The following CSMD1 variants were observed in gnomAD, a reference collection of about 807,000 sequenced individuals.
CSMD1 encodes the protein CUB and sushi domain-containing protein 1.
Under a neutral mutation model 417.5 loss-of-function variants are expected in CSMD1, and 213 were observed. The ratio of observed to expected loss-of-function variants is 0.51; its 90% confidence interval spans 0.46 to 0.57. The LOEUF (loss-of-function observed/expected upper bound fraction) is 0.57. Among genes scored for constraint, CSMD1 ranks in the 20% least tolerant of loss-of-function variants. The pLI, the probability that CSMD1 is intolerant of heterozygous loss-of-function variation, is 0.00. For missense variants in CSMD1, 6,923 were observed against 4,529.7 expected (o/e 1.53, Z -15.17); for synonymous variants, 2,862 against 1,736.8 (o/e 1.65, Z -16.11).
chr8:4,789,713 T>C (rs893311775), intron 1 of CSMD1, among the ~76,000 whole-genome samples: 6 of 152,210 alleles, frequency 3.9e-5, no homozygotes, highest in Admixed American at 3.9e-4. Context: ...CTGTATAAGA[T>C]AAAGGTTGAT....
At chr8:3,578,326 G>A (rs1357169198) in intron 9 of CSMD1, among the ~76,000 whole-genome samples, 2 of 152,082 alleles carry the variant, frequency 1.3e-5, no homozygotes, top group Non-Finnish European at 2.9e-5. Flanking sequence ...CCTTGCTCAG[G>A]GAGCTTTGGT....
chr8:4,891,474 A>T (rs1804118063), intron 1 of CSMD1, among the ~76,000 whole-genome samples: 1 of 152,134 alleles, frequency 6.6e-6, no homozygotes, highest in South Asian at 2.1e-4. Flanking sequence ...GTTTTTCTTA[A>T]TTTGAAAGGT....
At chr8:3,319,894 A>G (rs1200639370) in intron 23 of CSMD1, among the ~76,000 whole-genome samples, 3 of 152,198 alleles carry the variant, frequency 2.0e-5, no homozygotes, top group African/African-American at 4.8e-5. Context: ...TATCAAATTG[A>G]TGACTCATTA....
chr8:4,636,623 T>A (rs1802828083), intron 2 of CSMD1, among the ~76,000 whole-genome samples: 1 of 152,244 alleles, frequency 6.6e-6, no homozygotes, highest in Admixed American at 6.5e-5. Context: ...TATAATTTTA[T>A]TTAAATTACC....
At chr8:4,295,815 A>C (rs1797651532) in intron 3 of CSMD1, among the ~76,000 whole-genome samples, 1 of 144,414 alleles carries the variant, frequency 6.9e-6, no homozygotes, top group Non-Finnish European at 1.5e-5. Flanking sequence ...GAGAAAATTT[A>C]AAGTTAATTC....
intron 68 of CSMD1, among the ~76,000 whole-genome samples, chr8:2,947,170 T>C (rs1802300879): frequency 6.6e-6 from 1 of 152,332 alleles, no homozygotes; most frequent in South Asian, 2.1e-4. Flanking sequence ...TCTTTGTGTG[T>C]ATGTTAGGGT....
chr8:4,033,418 G>C (rs1401506827), intron 3 of CSMD1, among the ~76,000 whole-genome samples: 1 of 152,132 alleles, frequency 6.6e-6, no homozygotes, highest in African/African-American at 2.4e-5. Context: ...CTCCAGCGTG[G>C]GTGACAGAGC....
intron 1 of CSMD1, among the ~76,000 whole-genome samples, chr8:4,754,557 T>TA (rs58294878): frequency 1.3e-5 from 2 of 151,626 alleles, no homozygotes; most frequent in Non-Finnish European, 2.9e-5. Context: ...TTTTTTTTTT[T>TA]AAAGCCAAGT....
chr8:3,766,692 C>A (rs1428269425), intron 5 of CSMD1, among the ~76,000 whole-genome samples: 1 of 151,654 alleles, frequency 6.6e-6, no homozygotes, highest in Admixed American at 6.6e-5. Context: ...AACATGGTAA[C>A]AATTTATTTT....
rs553076890 is a variant in CSMD1 at position 4,409,913 on chromosome 8, A to C, written c.415+10040T>G. The stretch of plus-strand genomic sequence containing the variant: ...ACTGCAACCTCCGCCTCCTGGGTTC[A>C]AATGATTCTCCTGCCTCAGCTTCCC... On this transcript the variant is annotated intron_variant, in intron 3 of 69. Transcript: ENST00000635120. Among the ~76,000 whole-genome samples the C allele has an allele frequency of 3.3e-5, 5 of 152,252 alleles. No individual in the cohort carries two copies. The East Asian group carries it at 9.7e-4, about 30-fold the overall frequency.
At chr8:3,178,214 T>C (rs558427848) in intron 37 of CSMD1, among the ~76,000 whole-genome samples, 73 of 152,262 alleles carry the variant, frequency 4.8e-4, no homozygotes, top group African/African-American at 1.7e-3. Context: ...ATATAAGTGT[T>C]TGGTTTTTGT....
intron 23 of CSMD1, among the ~76,000 whole-genome samples, chr8:3,332,127 G>C (rs565724748): frequency 3.3e-5 from 5 of 152,298 alleles, no homozygotes; most frequent in East Asian, 1.9e-4. Flanking sequence ...GATGATGACA[G>C]GTATGATACA....
chr8:3,452,226 T>C (rs567075586), intron 12 of CSMD1, among the ~76,000 whole-genome samples: 134 of 152,282 alleles, frequency 8.8e-4, no homozygotes, highest in Non-Finnish European at 1.3e-3. Context: ...GCTGAGACAA[T>C]GGGGTTTTCT....
At chr8:4,462,686 A>T (rs1251568103) in intron 2 of CSMD1, among the ~76,000 whole-genome samples, 1 of 152,234 alleles carries the variant, frequency 6.6e-6, no homozygotes, top group Non-Finnish European at 1.5e-5. Flanking sequence ...AAAACCACTG[A>T]CATTACCCGT....
In CSMD1 at chr8:3,449,002, T is replaced by A. The variant is rs143598987; in HGVS notation, c.1561+19710A>T. On this transcript the variant is annotated intron_variant, in intron 12 of 69. Transcript: ENST00000635120. ...GTAAACAATCACATATAAACAGAAATCAAACACGTATTAGTAGGAGGCAGA... is the reference window on the plus strand; with the variant it reads ...GTAAACAATCACATATAAACAGAAAACAAACACGTATTAGTAGGAGGCAGA... Among the ~76,000 whole-genome samples, 710 of 152,050 alleles carry A rather than the reference T, an allele frequency of 4.7e-3. 6 individuals carry two copies. Among genetic ancestry groups the A allele is most frequent in the African/African-American group, 0.016 (658 of 41,472 alleles).
At chr8:3,313,394 A>C (rs1392591363) in intron 23 of CSMD1, among the ~76,000 whole-genome samples, 1 of 152,238 alleles carries the variant, frequency 6.6e-6, no homozygotes, top group African/African-American at 2.4e-5. Context: ...AATATGCACA[A>C]TCTACAATGA....
chr8:4,601,996 T>C (rs1800614882), intron 2 of CSMD1, among the ~76,000 whole-genome samples: 1 of 152,144 alleles, frequency 6.6e-6, no homozygotes, highest in South Asian at 2.1e-4. Flanking sequence ...TGAAAGCTTT[T>C]ATCTTTACCT....
intron 1 of CSMD1, among the ~76,000 whole-genome samples, chr8:4,900,917 C>T (rs529434613): frequency 1.3e-5 from 2 of 152,336 alleles, no homozygotes; most frequent in Admixed American, 6.5e-5. Flanking sequence ...TTACTTCTCT[C>T]CCTTGCATCC....
intron 1 of CSMD1, among the ~76,000 whole-genome samples, chr8:4,672,965 C>T (rs546446257): frequency 2.4e-4 from 37 of 152,068 alleles, no homozygotes; most frequent in African/African-American, 8.2e-4. Context: ...ACATACATAA[C>T]ACACACGTTT....
Sources: allele counts gnomAD v4.1 joint callset (sites outside exome capture counted in the v4.1 genomes callset), GRCh38; gene constraint gnomAD v4.1.1; transcripts MANE v1.5; gene names NCBI Gene and HGNC (gene_info 2026-07-23, HGNC 2026-07-21).